FARS2: variants seen among roughly 807,000 people sequenced by gnomAD.
FARS2 encodes phenylalanyl-tRNA synthetase 2, mitochondrial, also known as phenylalanine--tRNA ligase, mitochondrial.
In FARS2, 40 loss-of-function variants were observed where a neutral mutation model predicts 46.4. The observed-to-expected ratio is 0.86, with a 90% confidence interval of 0.67 to 1.12. The LOEUF is 1.12. Among genes scored for constraint, FARS2 ranks in the 50% most tolerant of loss-of-function variants. FARS2 has a pLI of 0.00. For missense variants in FARS2, 513 were observed against 567.9 expected (o/e 0.90, Z 0.98); for synonymous variants, 234 against 214.9 (o/e 1.09, Z -0.78).
intron 5 of FARS2, among the ~76,000 whole-genome samples, chr6:5,612,948 G>A (rs141346914): frequency 6.2e-4 from 94 of 152,220 alleles, no homozygotes; most frequent in African/African-American, 2.2e-3. Flanking sequence ...ATATGGTAAT[G>A]TTACACATGA....
chr6:5,286,304 C>G (rs2127879310), intron 1 of FARS2, among the ~76,000 whole-genome samples: 1 of 152,196 alleles, frequency 6.6e-6, no homozygotes, highest in Admixed American at 6.5e-5. Flanking sequence ...ACTTTGTCAC[C>G]CAGGCTGGAG....
intron 4 of FARS2, among the ~76,000 whole-genome samples, chr6:5,543,370 G>A (rs1323171762): frequency 8.1e-6 from 1 of 123,054 alleles, no homozygotes; most frequent in Non-Finnish European, 1.7e-5. Context: ...TTCTGTTGTT[G>A]GTGGTGGTTT....
At chr6:5,611,087 C>G (rs926040686) in intron 5 of FARS2, among the ~76,000 whole-genome samples, 6 of 151,752 alleles carry the variant, frequency 4.0e-5, no homozygotes, top group African/African-American at 1.5e-4. Context: ...GAGATGCACA[C>G]CCCACCCTCA....
At chr6:5,371,250 A>T (rs1031346551) in intron 2 of FARS2, 2 of 858,202 alleles carry the variant, frequency 2.3e-6, no homozygotes, top group Non-Finnish European at 2.8e-6. Flanking sequence ...ACTAACTCTG[A>T]CCTAATCTTA....
chr6:5,294,040 T>G (rs1767683435), intron 1 of FARS2, among the ~76,000 whole-genome samples: 1 of 152,194 alleles, frequency 6.6e-6, no homozygotes, highest in African/African-American at 2.4e-5. Context: ...GAATTCCTGT[T>G]TGTGATTATT....
At chr6:5,449,673 T>C (rs1764374261) in intron 4 of FARS2, among the ~76,000 whole-genome samples, 1 of 152,166 alleles carries the variant, frequency 6.6e-6, no homozygotes, top group South Asian at 2.1e-4. Flanking sequence ...GGACAAGAAA[T>C]GTTTTAGGTT....
intron 5 of FARS2, among the ~76,000 whole-genome samples, chr6:5,602,844 C>G (rs533856748): frequency 6.6e-6 from 1 of 152,024 alleles, no homozygotes; most frequent in South Asian, 2.1e-4. Context: ...AATTTATAAC[C>G]GGGTCATGGA....
intron 2 of FARS2, among the ~76,000 whole-genome samples, chr6:5,396,818 C>T (rs1041058519): frequency 6.6e-6 from 1 of 152,160 alleles, no homozygotes; most frequent in Non-Finnish European, 1.5e-5. Flanking sequence ...GGGCCCCTCA[C>T]CTTCACCTCT....
At chr6:5,441,213 C>T (rs918450467) in intron 4 of FARS2, among the ~76,000 whole-genome samples, 2 of 151,992 alleles carry the variant, frequency 1.3e-5, no homozygotes, top group African/African-American at 2.4e-5. Flanking sequence ...TGAGCCACTG[C>T]GCCCAGCCAC....
chr6:5,524,036 A>T (rs1013322730), intron 4 of FARS2, among the ~76,000 whole-genome samples: 5 of 152,200 alleles, frequency 3.3e-5, no homozygotes, highest in African/African-American at 1.2e-4. Context: ...AGTGATGAGA[A>T]GACTGGTCTC....
intron 5 of FARS2, among the ~76,000 whole-genome samples, chr6:5,557,938 G>T (rs780951023): frequency 6.6e-6 from 1 of 152,048 alleles, no homozygotes; most frequent in African/African-American, 2.4e-5. Context: ...GCATTCAACT[G>T]ACTTAACTAT....
intron 4 of FARS2, among the ~76,000 whole-genome samples, chr6:5,538,160 A>C (rs910416384): frequency 1.3e-5 from 2 of 151,976 alleles, no homozygotes; most frequent in African/African-American, 4.8e-5. Context: ...AAAAAAAAAA[A>C]AAAAAATACT....
At chr6:5,755,156 C>A (rs1046401109) in intron 6 of FARS2, among the ~76,000 whole-genome samples, 14 of 152,104 alleles carry the variant, frequency 9.2e-5, no homozygotes, top group African/African-American at 3.4e-4. Flanking sequence ...TTTAACTCTG[C>A]GACTCATTTT....
intron 4 of FARS2, among the ~76,000 whole-genome samples, chr6:5,513,659 G>C (rs1402817541): frequency 6.6e-6 from 1 of 152,194 alleles, no homozygotes; most frequent in African/African-American, 2.4e-5. Flanking sequence ...TGTGTGCAGG[G>C]AGGCAGCAGG....
At chr6:5,682,606 T>G (rs1284055818) in intron 6 of FARS2, among the ~76,000 whole-genome samples, 1 of 152,222 alleles carries the variant, frequency 6.6e-6, no homozygotes, top group East Asian at 1.9e-4. Context: ...GATGGGGCTT[T>G]TCCCCCTTGC....
At chr6:5,574,481 C>A (rs1772844394) in intron 5 of FARS2, among the ~76,000 whole-genome samples, 1 of 152,098 alleles carries the variant, frequency 6.6e-6, no homozygotes, top group African/African-American at 2.4e-5. Context: ...TTGAAAACAC[C>A]CTATGCCTCC....
intron 1 of FARS2, among the ~76,000 whole-genome samples, chr6:5,356,397 G>T (rs966600145): frequency 6.6e-6 from 1 of 152,206 alleles, no homozygotes; most frequent in Non-Finnish European, 1.5e-5. Context: ...GTTGCAGTGA[G>T]CTGAGATGGC....
intron 6 of FARS2, among the ~76,000 whole-genome samples, chr6:5,625,265 A>G (rs1343406228): frequency 6.6e-6 from 1 of 152,288 alleles, no homozygotes; most frequent in East Asian, 1.9e-4. Context: ...TGAGCAGCAC[A>G]GACAGGTCTG....
intron 4 of FARS2, among the ~76,000 whole-genome samples, chr6:5,523,299 G>A (rs1769257029): frequency 6.6e-6 from 1 of 152,208 alleles, no homozygotes. Flanking sequence ...TATGGTGGTG[G>A]TGAGCTGGGA....
Sources: gnomAD v4.1 joint callset for allele counts (sites outside exome capture counted in the v4.1 genomes callset) on GRCh38, gnomAD v4.1.1 for gene constraint, MANE v1.5 for transcripts, NCBI Gene and HGNC (gene_info 2026-07-23, HGNC 2026-07-21) for gene names.